CFAP251: variants seen among roughly 807,000 people sequenced by gnomAD.
The protein encoded by CFAP251 is cilia- and flagella-associated protein 251.
CFAP251 carries 93 observed loss-of-function variants against 126.7 expected under a neutral mutation model. The ratio of observed to expected loss-of-function variants is 0.73; its 90% CI spans 0.62 to 0.87. The LOEUF (loss-of-function observed/expected upper bound fraction) is 0.87. Among genes scored for constraint, CFAP251 ranks in the 40% least tolerant of loss-of-function variants. CFAP251 has a pLI of 0.00. For missense variants in CFAP251, 1,287 were observed against 1,389.2 expected (o/e 0.93, Z 1.17); for synonymous variants, 503 against 506.9 (o/e 0.99, Z 0.10).
chr12:121,988,065 G>C (rs1882792024), intron 19 of CFAP251, among the ~76,000 whole-genome samples: 2 of 151,694 alleles, frequency 1.3e-5, no homozygotes, highest in African/African-American at 4.8e-5. Flanking sequence ...TAAAAGGGTA[G>C]ATCACAATGA....
intron 17 of CFAP251, chr12:121,971,763 T>G (rs1281146794): frequency 1.7e-6 from 1 of 605,270 alleles, no homozygotes; most frequent in African/African-American, 1.8e-5. Flanking sequence ...TGTGATATGG[T>G]TTGGCTCTGT....
At chr12:121,990,060 C>T (rs11043281) in intron 19 of CFAP251, among the ~76,000 whole-genome samples, 8,592 of 152,042 alleles carry the variant, frequency 0.057, 483 homozygotes, top group East Asian at 0.22. Context: ...CAACAGAGGC[C>T]CAGATGCTGT....
chr12:121,965,452 G>A (rs1882087777), intron 15 of CFAP251, among the ~76,000 whole-genome samples: 1 of 152,140 alleles, frequency 6.6e-6, no homozygotes, highest in Non-Finnish European at 1.5e-5. Context: ...CACACAGTAT[G>A]CCAAGACATA....
intron 3 of CFAP251, among the ~76,000 whole-genome samples, chr12:121,928,506 A>G (rs557988400): frequency 1.2e-3 from 184 of 151,512 alleles, no homozygotes; most frequent in African/African-American, 4.3e-3. Flanking sequence ...AAGAAAGGAA[A>G]CTTACCAGAT....
At position 121,989,467 on chromosome 12, in the gene CFAP251, A is replaced by G; in HGVS notation, c.3007-10249A>G. ...ATCTAGTTCCTGGAGGGAGGTATGG[A>G]GCAGTTGGGGTCACAGTGTTGCATG... On this transcript the variant is annotated intron_variant, in intron 19 of 21. Coordinates refer to ENST00000288912, the MANE Select transcript of CFAP251 (RefSeq NM_144668.6). The surrounding 1 kb of genome is among the most constrained non-coding windows in gnomAD (Gnocchi z 4.2). Among the ~76,000 whole-genome samples the G allele has an allele frequency of 6.6e-6, 1 of 152,208 alleles. No individual in the cohort carries two copies. The highest frequency in any genetic ancestry group is 1.5e-5 in the Non-Finnish European group (1 of 68,036).
intron 19 of CFAP251, among the ~76,000 whole-genome samples, chr12:121,986,661 A>T (rs1455492165): frequency 6.7e-4 from 99 of 147,960 alleles, no homozygotes; most frequent in Non-Finnish European, 9.0e-4. Context: ...GCTACTCAGG[A>T]GGCTGAGGTG....
chr12:121,991,971 C>T (rs577976594), intron 19 of CFAP251, among the ~76,000 whole-genome samples: 23 of 151,994 alleles, frequency 1.5e-4, no homozygotes, highest in East Asian at 3.9e-4. Context: ...CCTGCCTGGG[C>T]GACAGAGTGA....
At chr12:121,955,909 GA>G (rs1323657743) in intron 10 of CFAP251, 2 of 152,144 alleles carry the variant, frequency 1.3e-5, no homozygotes, top group Non-Finnish European at 2.9e-5. Context: ...AAGGTCTCTG[GA>G]AATACTTGGT....
rs1441148455 is a variant in CFAP251, at chr12:121,970,748, G to A, written c.2771+2579G>A. On this transcript the variant is annotated intron_variant, in intron 17 of 21. Coordinates refer to ENST00000288912, the MANE Select transcript of CFAP251 (RefSeq NM_144668.6). Reference sequence around the variant, plus strand: ...TGTAGCTACACCACAAGAAGGTCACGGACAGCGGCACACTTGGTGCTCACA... The same window carrying A: ...TGTAGCTACACCACAAGAAGGTCACAGACAGCGGCACACTTGGTGCTCACA... Among the ~76,000 whole-genome samples, 6 of 152,238 alleles carry A rather than the reference G, an allele frequency of 3.9e-5. No homozygotes were observed. In the South Asian group the frequency reaches 8.3e-4, roughly 21 times the overall value.
Position 121,975,245 on chromosome 12 carries a change from G to T in CFAP251, c.2773G>T (p.Val925Phe), listed in dbSNP as rs1248928421. The T allele has an allele frequency of 1.9e-6, 3 of 1,613,532 alleles. No individual in the cohort carries two copies. The stretch of plus-strand genomic sequence containing the variant: ...GAGACATTTCTGTTGTTGTTCCAGT[G>T]TCCTGGAGGCAGCGGTTTCTCTTGG... ...SVVQWKITLS[V>F]LEAAVSLGGE... Residue 925 changes from valine (V) to phenylalanine (F), a missense_variant and splice_region_variant, in exon 18 of 22, where the codon GTC becomes TTC. Coordinates refer to ENST00000288912, the MANE Select transcript of CFAP251 (RefSeq NM_144668.6).
In CFAP251 at chr12:121,930,829, A is replaced by ACCT. The variant is rs138725577; in HGVS notation, c.748-914_748-912dup. 1.3e-3 allele frequency among the ~76,000 whole-genome samples: 191 copies of ACCT among 149,954 alleles called. 5 individuals carry two copies. The East Asian group carries it at 0.036, about 28-fold the overall frequency. On this transcript the variant is annotated intron_variant, in intron 3 of 21. Coordinates refer to ENST00000288912, the MANE Select transcript of CFAP251 (RefSeq NM_144668.6). The stretch of plus-strand genomic sequence containing the variant: ...AGTGGCACGATCTTAGCTCACTGCA[A>ACCT]CCTCCGCCTCCCAGGTTCAAGTGAT...
At chr12:121,967,372 A>G (rs1164937735) in intron 16 of CFAP251, among the ~76,000 whole-genome samples, 8 of 152,262 alleles carry the variant, frequency 5.3e-5, no homozygotes, top group Non-Finnish European at 1.5e-5. Flanking sequence ...AATTAGTTAC[A>G]CTTTGTTGTA....
In CFAP251 at chr12:121,923,646, A is replaced by G. The variant is rs762699475; in HGVS notation, c.403A>G (p.Lys135Glu). The change falls in exon 3 of 22, where the codon AAG becomes GAG. Residue 135 changes from lysine (K) to glutamate (E), a missense_variant. Coordinates refer to ENST00000288912, the MANE Select transcript of CFAP251 (RefSeq NM_144668.6). The stretch of plus-strand genomic sequence containing the variant: ...GAAAACCCAAAGAGGTAGCAAGTCA[A>G]AGCTTTCCTTACAATTGGAGGATGC... ...FPKTQRGSKS[K>E]LSLQLEDAET... The G allele has an allele frequency of 1.2e-6, 2 of 1,611,540 alleles. No individual in the cohort carries two copies. The highest frequency in any genetic ancestry group is 1.7e-6 in the Non-Finnish European group (2 of 1,179,314).
At chr12:121,970,407 C>T (rs1402057515) in intron 17 of CFAP251, among the ~76,000 whole-genome samples, 1 of 152,190 alleles carries the variant, frequency 6.6e-6, no homozygotes, top group Non-Finnish European at 1.5e-5. Context: ...TACCTGCTTG[C>T]TGGATGACGC....
At chr12:121,966,816 C>T (rs1882157965) in intron 15 of CFAP251, 139 bp from the exon 16 acceptor site, 2 of 661,816 alleles carry the variant, frequency 3.0e-6, no homozygotes, top group East Asian at 5.5e-5. Context: ...AAACTCCTGA[C>T]CTTGTGATCC....
At chr12:121,947,889 C>CACCCCTGTGTTACAT (rs1298082302) in intron 7 of CFAP251, 1 of 152,228 alleles carries the variant, frequency 6.6e-6, no homozygotes, top group East Asian at 1.9e-4. Context: ...TAGTAGTTTA[C>CACCCCTGTGTTACAT]ACCCCTGTGG....
chr12:121,959,757 CCATAGTTTCACGTT>C (rs1881861426), intron 13 of CFAP251: 1 of 152,162 alleles, frequency 6.6e-6, no homozygotes, highest in Non-Finnish European at 1.5e-5. Flanking sequence ...GAGTGTAAAA[CCATAGTTTCACGTT>C]CATACTTTCT....
intron 17 of CFAP251, among the ~76,000 whole-genome samples, chr12:121,971,281 T>C (rs530616824): frequency 1.1e-4 from 17 of 152,276 alleles, no homozygotes; most frequent in African/African-American, 3.8e-4. Context: ...AGACCCTTGC[T>C]GGAGGGGCCC....
intron 19 of CFAP251, among the ~76,000 whole-genome samples, chr12:121,982,121 T>A (rs1401433674): frequency 6.6e-6 from 1 of 152,090 alleles, no homozygotes. Context: ...AATCTAAAAG[T>A]TTATATTTTC....
Sources: gnomAD v4.1 joint callset for allele counts (sites outside exome capture counted in the v4.1 genomes callset) on GRCh38, gnomAD v4.1.1 for gene constraint, Gnocchi (gnomAD v3.1) non-coding constraint, MANE v1.5 for transcripts, NCBI Gene and HGNC (gene_info 2026-07-23, HGNC 2026-07-21) for gene names.